ATP8A2: variants seen among roughly 807,000 people sequenced by gnomAD.
ATP8A2 encodes ATPase phospholipid transporting 8A2, also known as phospholipid-transporting ATPase IB.
In ATP8A2, 100 loss-of-function variants were observed where a neutral mutation model predicts 165.6. The observed-to-expected ratio is 0.60, with a 90% CI of 0.51 to 0.71. The LOEUF (loss-of-function observed/expected upper bound fraction) is 0.71. Ranked by LOEUF, ATP8A2 falls within the 30% of genes least tolerant of loss-of-function variation. The probability of loss-of-function intolerance (pLI) is 0.00; values close to 1 mark genes in which losing one functional copy is unlikely to be tolerated. For missense variants in ATP8A2, 1,227 were observed against 1,479.5 expected (o/e 0.83, Z 2.80); for synonymous variants, 543 against 548.8 (o/e 0.99, Z 0.15).
At chr13:25,993,258 C>A (rs186240144) in intron 35 of ATP8A2, among the ~76,000 whole-genome samples, 1 of 152,116 alleles carries the variant, frequency 6.6e-6, no homozygotes, top group South Asian at 2.1e-4. Flanking sequence ...CCTGAGGAAT[C>A]GCCACACTGC....
chr13:25,987,335 C>T (rs1401508953), intron 35 of ATP8A2, among the ~76,000 whole-genome samples: 3 of 152,200 alleles, frequency 2.0e-5, no homozygotes, highest in African/African-American at 4.8e-5. Context: ...GTTCTTCCAA[C>T]TGGAAAATGC....
intron 25 of ATP8A2, among the ~76,000 whole-genome samples, chr13:25,752,316 C>G (rs1184160716): frequency 1.3e-5 from 2 of 151,944 alleles, no homozygotes; most frequent in African/African-American, 2.4e-5. Flanking sequence ...CAAAAATTAG[C>G]CAGGAGTGGT....
chr13:25,446,474 G>A (rs9507520), intron 1 of ATP8A2, among the ~76,000 whole-genome samples: 121,390 of 152,080 alleles, frequency 0.8, 48,619 homozygotes, highest in South Asian at 0.85. Context: ...AAGTTAATTT[G>A]TAACTTGTGT....
intron 1 of ATP8A2, among the ~76,000 whole-genome samples, chr13:25,464,130 C>G (rs1159546394): frequency 6.6e-6 from 1 of 152,156 alleles, no homozygotes; most frequent in African/African-American, 2.4e-5. Flanking sequence ...CTTTCCTCTG[C>G]CAGATTCAGC....
At chr13:25,961,142 C>A (rs1041107921) in intron 33 of ATP8A2, among the ~76,000 whole-genome samples, 1 of 152,142 alleles carries the variant, frequency 6.6e-6, no homozygotes, top group Non-Finnish European at 1.5e-5. Flanking sequence ...TGCCTTGTAC[C>A]AAGTAGCGAT....
intron 33 of ATP8A2, among the ~76,000 whole-genome samples, chr13:25,936,172 T>C (rs556934808): frequency 6.6e-6 from 1 of 152,332 alleles, no homozygotes; most frequent in East Asian, 1.9e-4. Context: ...AAACAGGTGT[T>C]TCCTCTGTGT....
chr13:25,408,318 A>G (rs532422700), intron 1 of ATP8A2, among the ~76,000 whole-genome samples: 211 of 151,878 alleles, frequency 1.4e-3, no homozygotes, highest in Non-Finnish European at 2.3e-3. Flanking sequence ...GCTTGAACCC[A>G]GGAGGCGGAG....
intron 26 of ATP8A2, among the ~76,000 whole-genome samples, chr13:25,770,414 G>C (rs1024478399): frequency 3.9e-5 from 6 of 152,148 alleles, no homozygotes; most frequent in Non-Finnish European, 7.3e-5. Flanking sequence ...CTGAGCTCAA[G>C]AAGACAGCTT....
chr13:25,886,149 A>G (rs1274473578), intron 33 of ATP8A2, among the ~76,000 whole-genome samples: 1 of 152,244 alleles, frequency 6.6e-6, no homozygotes, highest in Admixed American at 6.5e-5. Flanking sequence ...AAGCAATGTT[A>G]TATCACGTCT....
At chr13:25,976,760 G>C (rs1464461478) in intron 35 of ATP8A2, among the ~76,000 whole-genome samples, 3 of 151,944 alleles carry the variant, frequency 2.0e-5, no homozygotes, top group Non-Finnish European at 4.4e-5. Flanking sequence ...AAAGGGAAAA[G>C]AGTGTGTGAA....
At chr13:25,642,338 T>C (rs1593120529) in intron 24 of ATP8A2, among the ~76,000 whole-genome samples, 1 of 152,104 alleles carries the variant, frequency 6.6e-6, no homozygotes, top group Non-Finnish European at 1.5e-5. Flanking sequence ...AGAAAATTTT[T>C]GCAATCTACT....
intron 2 of ATP8A2, among the ~76,000 whole-genome samples, chr13:25,489,428 G>C (rs2036453036): frequency 6.6e-6 from 1 of 152,170 alleles, no homozygotes; most frequent in African/African-American, 2.4e-5. Flanking sequence ...TCCACCGTTT[G>C]CAGGCGGAGG....
intron 24 of ATP8A2, among the ~76,000 whole-genome samples, chr13:25,640,419 G>A (rs181171932): frequency 0.015 from 2,208 of 152,120 alleles, 47 homozygotes; most frequent in African/African-American, 0.049. Flanking sequence ...TGATAAAGGG[G>A]ATATCACCAC....
At chr13:25,848,353 C>T (rs1442127614) in intron 30 of ATP8A2, among the ~76,000 whole-genome samples, 1 of 152,240 alleles carries the variant, frequency 6.6e-6, no homozygotes, top group East Asian at 1.9e-4. Context: ...CCACATCTGG[C>T]AGGAAGAGAT....
At chr13:25,464,854 C>T (rs1418299565) in intron 1 of ATP8A2, among the ~76,000 whole-genome samples, 1 of 152,200 alleles carries the variant, frequency 6.6e-6, no homozygotes, top group Non-Finnish European at 1.5e-5. Context: ...GGGTGCTAGG[C>T]ATGATCCAGG....
intron 2 of ATP8A2, among the ~76,000 whole-genome samples, chr13:25,492,850 C>T (rs1307726114): frequency 1.3e-5 from 2 of 152,100 alleles, no homozygotes; most frequent in Non-Finnish European, 2.9e-5. Context: ...GCCCAGTTTC[C>T]TTTGGCAAAA....
At chr13:25,947,823 C>T (rs1955253349) in intron 33 of ATP8A2, among the ~76,000 whole-genome samples, 1 of 152,146 alleles carries the variant, frequency 6.6e-6, no homozygotes, top group Non-Finnish European at 1.5e-5. Flanking sequence ...CTTTTCTCAT[C>T]TGTTTGGGCA....
At chr13:25,934,115 C>T (rs899207305) in intron 33 of ATP8A2, among the ~76,000 whole-genome samples, 1 of 152,206 alleles carries the variant, frequency 6.6e-6, no homozygotes, top group Non-Finnish European at 1.5e-5. Flanking sequence ...AATGAAAATA[C>T]TTAGTGTCAG....
intron 33 of ATP8A2, among the ~76,000 whole-genome samples, chr13:25,920,076 C>T (rs1954402931): frequency 6.6e-6 from 1 of 152,198 alleles, no homozygotes; most frequent in South Asian, 2.1e-4. Context: ...GTGTGAACCA[C>T]TGCGACCAGC....
Sources: gnomAD v4.1 joint callset for allele counts (sites outside exome capture counted in the v4.1 genomes callset) on GRCh38, gnomAD v4.1.1 for gene constraint, MANE v1.5 for transcripts, NCBI Gene and HGNC (gene_info 2026-07-23, HGNC 2026-07-21) for gene names.